ESR1: variants seen among roughly 807,000 people sequenced by gnomAD.
ESR1 encodes the protein estrogen receptor 1.
In ESR1, 12 loss-of-function variants were observed where a neutral mutation model predicts 52.7. The observed-to-expected ratio is 0.23, with a 90% CI of 0.15 to 0.37. The LOEUF (loss-of-function observed/expected upper bound fraction) is 0.37, where lower values mean the gene tolerates loss of function less well. ESR1 is among the 10% of genes least tolerant of loss of function. ESR1 has a pLI of 1.00. For synonymous variants in ESR1, 305 were observed against 316.8 expected, an observed-to-expected ratio of 0.96 and a Z score of 0.39; for missense variants, 584 against 779.7, an observed-to-expected ratio of 0.75 and a Z score of 2.99.
At chr6:151,757,792 G>T (rs1197688152) in intron 2 of ESR1, among the ~76,000 whole-genome samples, 1 of 152,148 alleles carries the variant, frequency 6.6e-6, no homozygotes, top group Non-Finnish European at 1.5e-5. Context: ...AGCTATAGAG[G>T]GGTGTGGTGT....
At chr6:151,668,914 C>G (rs1443617551) in intron 1 of ESR1, among the ~76,000 whole-genome samples, 1 of 151,880 alleles carries the variant, frequency 6.6e-6, no homozygotes, top group Non-Finnish European at 1.5e-5. Context: ...GAGAGAAGAG[C>G]AAGGAGAATG....
intron 6 of ESR1, chr6:152,122,052 T>C: frequency 3.3e-6 from 1 of 303,788 alleles, no homozygotes; most frequent in Non-Finnish European, 6.4e-6. Context: ...GGGAGGGTCA[T>C]TTATCTGATG....
At chr6:151,739,408 A>C (rs1352904338) in intron 2 of ESR1, among the ~76,000 whole-genome samples, 1 of 152,130 alleles carries the variant, frequency 6.6e-6, no homozygotes, top group Non-Finnish European at 1.5e-5. Context: ...TTTTTCTAGC[A>C]CCAGGTATTT....
At chr6:152,122,666 C>T (rs2051688672) in intron 6 of ESR1, 3 of 1,613,798 alleles carry the variant, frequency 1.9e-6, no homozygotes, top group South Asian at 2.2e-5. Context: ...TCGGAGCCAC[C>T]TTTTGTGGAC....
At chr6:151,885,430 C>CT (rs1793681933) in intron 3 of ESR1, among the ~76,000 whole-genome samples, 1 of 152,154 alleles carries the variant, frequency 6.6e-6, no homozygotes. Context: ...AGAATGTGGC[C>CT]TTTTTGCTGA....
Position 152,102,447 on chromosome 6 carries a change from A to G in ESR1, c.*3481A>G, listed in dbSNP as rs2050990114. ...GGGGAAGCTAGTTATGTGAAAGGCA[A>G]ATAGAGTCATACAGTAGCTCAAAAG... On this transcript the variant is annotated 3_prime_UTR_variant, in exon 8 of 8. Transcript: ENST00000206249. 4.8e-6 allele frequency: 1 copy of G among 208,562 alleles called. No individual in the cohort carries two copies. Among genetic ancestry groups the G allele is most frequent in the East Asian group, 7.2e-5 (1 of 13,810 alleles). 12.9% of individuals were successfully genotyped at this position (208,562 alleles called of 1,614,324 possible). A position where few individuals can be genotyped will look rare whatever the true frequency, so the allele number is the denominator to read the frequency against.
Position 152,098,831 on chromosome 6 carries a change from G to T in ESR1, c.1653G>T (p.Ala551=). 1 of 1,614,172 alleles carries T rather than the reference G, an allele frequency of 6.2e-7. No individual in the cohort carries two copies. Among genetic ancestry groups the T allele is most frequent in the Non-Finnish European group, 8.5e-7 (1 of 1,180,022 alleles). The stretch of plus-strand genomic sequence containing the variant: ...TGCTGGACGCCCACCGCCTACATGC[G>T]CCCACTAGCCGTGGAGGGGCATCCG... The part of the protein sequence containing the change: ...LEMLDAHRLH[A]PTSRGGASVE... Residue 551 remains alanine, a synonymous_variant, in exon 8 of 8, where the codon GCG becomes GCT. Transcript: ENST00000206249. This position sits in a 1 kb window ranked among gnomAD's most constrained non-coding sequence, Gnocchi z 5.1.
intron 2 of ESR1, among the ~76,000 whole-genome samples, chr6:151,767,524 C>G (rs996441513): frequency 7.2e-5 from 11 of 152,022 alleles, no homozygotes; most frequent in African/African-American, 2.4e-4. Context: ...AGTGACAGAT[C>G]TAATAATTAA....
At chr6:151,694,006 A>G (rs921131218) in intron 1 of ESR1, among the ~76,000 whole-genome samples, 1 of 152,198 alleles carries the variant, frequency 6.6e-6, no homozygotes, top group African/African-American at 2.4e-5. Flanking sequence ...ACGAGGTGGT[A>G]ATAATAACAA....
intron 3 of ESR1, among the ~76,000 whole-genome samples, chr6:151,892,104 G>A (rs1794780673): frequency 6.6e-6 from 1 of 152,176 alleles, no homozygotes; most frequent in Admixed American, 6.5e-5. Context: ...GGCCAAGCGT[G>A]CAATTAAACT....
intron 7 of ESR1, among the ~76,000 whole-genome samples, chr6:152,097,374 G>C (rs2050700178): frequency 6.6e-6 from 1 of 151,564 alleles, no homozygotes; most frequent in African/African-American, 2.4e-5. Flanking sequence ...GATCCAGGGG[G>C]CATTTAACTT....
At chr6:151,780,962 A>G (rs1786487790) in intron 2 of ESR1, among the ~76,000 whole-genome samples, 1 of 152,236 alleles carries the variant, frequency 6.6e-6, no homozygotes, top group Non-Finnish European at 1.5e-5. Context: ...GCTTTAAAAT[A>G]TTGAGATTTT....
At chr6:151,675,320 C>T (rs1469007797) in intron 1 of ESR1, among the ~76,000 whole-genome samples, 1 of 152,064 alleles carries the variant, frequency 6.6e-6, no homozygotes, top group Non-Finnish European at 1.5e-5. Flanking sequence ...CTGAGCAGGT[C>T]AGGTCCAAAC....
intron 2 of ESR1, among the ~76,000 whole-genome samples, chr6:151,732,136 A>G (rs768970688): frequency 3.9e-5 from 6 of 152,240 alleles, no homozygotes; most frequent in Non-Finnish European, 7.3e-5. Context: ...AATTTTTATA[A>G]TAGAGTTTAA....
intron 5 of ESR1, among the ~76,000 whole-genome samples, chr6:152,026,758 T>C (rs1238041275): frequency 2.0e-5 from 3 of 152,168 alleles, no homozygotes; most frequent in African/African-American, 7.2e-5. Flanking sequence ...CATTTTCTAC[T>C]ATGAGCAGTA....
intron 6 of ESR1, among the ~76,000 whole-genome samples, chr6:152,086,790 C>G (rs928811663): frequency 1.3e-5 from 2 of 152,196 alleles, no homozygotes; most frequent in Middle Eastern, 3.4e-3. Context: ...ACTGTCGTCT[C>G]TCTTTGAGAC....
In ESR1 at chr6:152,033,545, G is replaced by A. The variant is rs573854062; in HGVS notation, c.1235+21751G>A. Among the ~76,000 whole-genome samples, 28 of 152,294 alleles carry A rather than the reference G, an allele frequency of 1.8e-4. No homozygotes were observed. In the East Asian group the frequency reaches 5.4e-3, roughly 29 times the overall value. ...GCAGCCAACAGACACATGAAAAAAT[G>A]CTCATCATCACTGGCCATCAGAGAA... On this transcript the variant is annotated intron_variant, in intron 5 of 7. Coordinates refer to ENST00000206249, the MANE Select transcript of ESR1 (RefSeq NM_000125.4).
intron 1 of ESR1, among the ~76,000 whole-genome samples, chr6:151,819,761 C>G (rs925678404): frequency 2.0e-5 from 3 of 152,106 alleles, no homozygotes; most frequent in Non-Finnish European, 4.4e-5. Context: ...TGGAATCATC[C>G]CAAAACCATC....
intron 2 of ESR1, among the ~76,000 whole-genome samples, chr6:151,792,270 G>A (rs1433910436): frequency 6.6e-6 from 1 of 152,186 alleles, no homozygotes; most frequent in African/African-American, 2.4e-5. Flanking sequence ...CTCTGGGAGA[G>A]TCAGCGAATG....
Sources: gnomAD v4.1 joint callset for allele counts (sites outside exome capture counted in the v4.1 genomes callset) on GRCh38, gnomAD v4.1.1 for gene constraint, Gnocchi (gnomAD v3.1) non-coding constraint, MANE v1.5 for transcripts, NCBI Gene and HGNC (gene_info 2026-07-23, HGNC 2026-07-21) for gene names.